SORCS3: variants seen among roughly 807,000 people sequenced by gnomAD.
SORCS3 encodes the protein sortilin related VPS10 domain containing receptor 3, also known as VPS10 domain-containing receptor SorCS3.
In SORCS3, 57 loss-of-function variants were observed where a neutral mutation model predicts 146.3. That is an observed-to-expected ratio of 0.39 (90% confidence interval 0.31 to 0.49). The LOEUF is 0.49. SORCS3 is among the 20% of genes least tolerant of loss of function. The pLI is 0.92. For synonymous variants in SORCS3, 653 were observed against 618.5 expected, an observed-to-expected ratio of 1.06 and a Z score of -0.83; for missense variants, 1,341 against 1,575.5, an observed-to-expected ratio of 0.85 and a Z score of 2.52.
intron 1 of SORCS3, among the ~76,000 whole-genome samples, chr10:104,698,982 A>G (rs1271912158): frequency 2.6e-5 from 4 of 152,178 alleles, no homozygotes; most frequent in African/African-American, 7.2e-5. Context: ...ATTCTATCAC[A>G]CTATAAGCTC....
intron 5 of SORCS3, among the ~76,000 whole-genome samples, chr10:105,066,845 C>T (rs2055526154): frequency 6.6e-6 from 1 of 152,134 alleles, no homozygotes; most frequent in Non-Finnish European, 1.5e-5. Context: ...TTCCAGGAAT[C>T]ATTGAGCCTT....
At chr10:105,241,063 C>A (rs2056819737) in intron 20 of SORCS3, among the ~76,000 whole-genome samples, 1 of 152,024 alleles carries the variant, frequency 6.6e-6, no homozygotes. Context: ...TATGAATAAG[C>A]CACTATGAAC....
chr10:105,068,548 T>G (rs114339075), intron 5 of SORCS3, among the ~76,000 whole-genome samples: 1,635 of 152,312 alleles, frequency 0.011, 27 homozygotes, highest in African/African-American at 0.037. Flanking sequence ...TCTTGTTTCC[T>G]AAAACACCGG....
At chr10:105,074,131 A>G (rs1461968765) in intron 5 of SORCS3, among the ~76,000 whole-genome samples, 2 of 152,230 alleles carry the variant, frequency 1.3e-5, no homozygotes, top group Admixed American at 6.5e-5. Flanking sequence ...TGCCTGCCAC[A>G]GAGTAGGTCA....
rs774665609 is a variant in SORCS3 at position 105,083,815 on chromosome 10, G to A, written c.1029-5960G>A. The stretch of plus-strand genomic sequence containing the variant: ...TTGAAAATGTATACAGAATGCATTC[G>A]TATTTCCTAAATGCTGCTTTAAAGG... On this transcript the variant is annotated intron_variant, in intron 5 of 26. Coordinates refer to ENST00000369701, the MANE Select transcript of SORCS3 (RefSeq NM_014978.3). Among the ~76,000 whole-genome samples the A allele has an allele frequency of 4.2e-4, 64 of 152,272 alleles. 1 individual carries two copies. The highest frequency in any genetic ancestry group is 8.2e-4 in the Non-Finnish European group (56 of 68,032).
intron 1 of SORCS3, among the ~76,000 whole-genome samples, chr10:104,825,102 G>T (rs928893613): frequency 2.6e-5 from 4 of 152,278 alleles, no homozygotes; most frequent in Non-Finnish European, 4.4e-5. Flanking sequence ...TCTTTATTTT[G>T]TGAGCTTCAA....
chr10:105,257,417 C>G (rs761433433), intron 25 of SORCS3, among the ~76,000 whole-genome samples: 8 of 152,144 alleles, frequency 5.3e-5, no homozygotes, highest in African/African-American at 9.7e-5. Context: ...ACTACCATCC[C>G]TCTCCCTCTT....
At chr10:105,171,486 G>A (rs1230867466) in intron 13 of SORCS3, among the ~76,000 whole-genome samples, 1 of 152,182 alleles carries the variant, frequency 6.6e-6, no homozygotes, top group Non-Finnish European at 1.5e-5. Flanking sequence ...AGCTGTCAGT[G>A]TCTCTCAATG....
At chr10:104,880,107 C>T (rs1292325164) in intron 2 of SORCS3, among the ~76,000 whole-genome samples, 2 of 152,168 alleles carry the variant, frequency 1.3e-5, no homozygotes, top group Non-Finnish European at 2.9e-5. Flanking sequence ...CTATAACTTC[C>T]TGGAGGGCGG....
At chr10:105,148,296 T>C (rs2056146279) in intron 9 of SORCS3, among the ~76,000 whole-genome samples, 1 of 152,112 alleles carries the variant, frequency 6.6e-6, no homozygotes, top group African/African-American at 2.4e-5. Flanking sequence ...GATGCCGACA[T>C]CTATGCAGGG....
At chr10:105,168,065 G>A (rs894214470) in intron 13 of SORCS3, among the ~76,000 whole-genome samples, 6 of 152,136 alleles carry the variant, frequency 3.9e-5, no homozygotes, top group African/African-American at 1.2e-4. Flanking sequence ...GATCAAGTCA[G>A]TTATGGAATA....
At chr10:105,050,983 G>T (rs1019886921) in intron 5 of SORCS3, among the ~76,000 whole-genome samples, 1 of 152,074 alleles carries the variant, frequency 6.6e-6, no homozygotes. Context: ...TGACACCTAT[G>T]CCCAGACTCT....
intron 2 of SORCS3, among the ~76,000 whole-genome samples, chr10:104,862,706 T>C (rs2018418070): frequency 6.6e-6 from 1 of 152,214 alleles, no homozygotes; most frequent in Non-Finnish European, 1.5e-5. Flanking sequence ...TGTTTTTAAA[T>C]ATAATGCATT....
Position 104,981,291 on chromosome 10 carries a change from C to T in SORCS3, c.954+3798C>T, listed in dbSNP as rs547120906. On this transcript the variant is annotated intron_variant, in intron 4 of 26. Transcript: ENST00000369701. ...AAGGACTCAGTAAAGACAAGAGATT[C>T]ATTCTTGGGTATCTTTGTAGATATT... Among the ~76,000 whole-genome samples, 5 of 152,274 alleles carry T rather than the reference C, an allele frequency of 3.3e-5. No homozygotes were observed. In the South Asian group the frequency reaches 6.2e-4, roughly 19 times the overall value.
intron 3 of SORCS3, among the ~76,000 whole-genome samples, chr10:104,960,074 G>A (rs192480982): frequency 2.6e-5 from 4 of 152,068 alleles, no homozygotes; most frequent in Non-Finnish European, 5.9e-5. Context: ...TTGAGGGCCC[G>A]TCCCATCAGT....
intron 3 of SORCS3, among the ~76,000 whole-genome samples, chr10:104,917,509 C>T (rs956400270): frequency 6.6e-6 from 1 of 152,144 alleles, no homozygotes; most frequent in African/African-American, 2.4e-5. Context: ...TTAATATCTA[C>T]TCTTATCATT....
intron 4 of SORCS3, among the ~76,000 whole-genome samples, chr10:104,980,260 C>A (rs879756723): frequency 6.6e-6 from 1 of 152,156 alleles, no homozygotes; most frequent in Non-Finnish European, 1.5e-5. Context: ...CGTAAAGTGG[C>A]TGAATGTTCT....
chr10:104,978,712 AGTTTT>A (rs543457047), intron 4 of SORCS3, among the ~76,000 whole-genome samples: 14 of 152,256 alleles, frequency 9.2e-5, no homozygotes, highest in African/African-American at 3.4e-4. Flanking sequence ...CTCAAATATA[AGTTTT>A]GTTTGTCATC....
intron 1 of SORCS3, among the ~76,000 whole-genome samples, chr10:104,735,467 T>TTTTTTTTTTTTTTTTTTTTTTTTTTTC: frequency 7.2e-6 from 1 of 138,452 alleles, no homozygotes; most frequent in Non-Finnish European, 1.6e-5. Flanking sequence ...TTTTTTTTTT[T>TTTTTTTTTTTTTTTTTTTTTTTTTTTC]TTTTTTTTTT....
Sources: allele counts gnomAD v4.1 joint callset (sites outside exome capture counted in the v4.1 genomes callset), GRCh38; gene constraint gnomAD v4.1.1; transcripts MANE v1.5; gene names NCBI Gene and HGNC (gene_info 2026-07-23, HGNC 2026-07-21).